The following SBF2 variants were observed in gnomAD, a reference collection of about 807,000 sequenced individuals.
SBF2 encodes the protein SET binding factor 2.
A neutral mutation model predicts 225.2 loss-of-function variants in SBF2; 112 were observed. The observed-to-expected ratio is 0.50, with a 90% CI of 0.43 to 0.58. The LOEUF (loss-of-function observed/expected upper bound fraction) is 0.58. Among genes scored for constraint, SBF2 ranks in the 20% least tolerant of loss-of-function variants. The pLI, the probability that SBF2 is intolerant of heterozygous loss-of-function variation, is 0.00. For missense variants in SBF2, 1,996 were observed against 2,206.2 expected, an observed-to-expected ratio of 0.90 and a Z score of 1.91; for synonymous variants, 763 against 773.3, an observed-to-expected ratio of 0.99 and a Z score of 0.22.
intron 4 of SBF2, 97 bp downstream of exon 4, chr11:10,030,951 T>A: frequency 9.4e-7 from 1 of 1,058,610 alleles, no homozygotes; most frequent in Non-Finnish European, 1.4e-6. Flanking sequence ...CCTAAATCAA[T>A]CTAACAATAT....
intron 13 of SBF2, among the ~76,000 whole-genome samples, chr11:9,976,511 C>T (rs139311039): frequency 8.5e-5 from 13 of 152,088 alleles, no homozygotes; most frequent in East Asian, 1.9e-4. Flanking sequence ...GTGGGAGGAT[C>T]GCTTGAGCCC....
chr11:9,947,557 C>T (rs1865634637), intron 16 of SBF2, among the ~76,000 whole-genome samples: 1 of 152,140 alleles, frequency 6.6e-6, no homozygotes, highest in South Asian at 2.1e-4. Flanking sequence ...CCTCTAGTTC[C>T]TTTCTCTGTA....
chr11:10,045,919 G>A (rs1354075285), intron 2 of SBF2, among the ~76,000 whole-genome samples: 1 of 151,848 alleles, frequency 6.6e-6, no homozygotes, highest in African/African-American at 2.4e-5. Flanking sequence ...TGTATCTGTG[G>A]GTTCTACATC....
At chr11:10,011,482 G>T (rs1006082941) in intron 6 of SBF2, among the ~76,000 whole-genome samples, 1 of 152,174 alleles carries the variant, frequency 6.6e-6, no homozygotes, top group Non-Finnish European at 1.5e-5. Context: ...GCCTCCCAAA[G>T]TGTTAGGATT....
chr11:10,228,428 T>C (rs556097064), intron 1 of SBF2, among the ~76,000 whole-genome samples: 46 of 152,342 alleles, frequency 3.0e-4, no homozygotes, highest in African/African-American at 1.1e-3. Flanking sequence ...TTCCAGTTTT[T>C]GCCCATTCAG....
intron 16 of SBF2, among the ~76,000 whole-genome samples, chr11:9,924,473 C>A (rs190264100): frequency 3.3e-5 from 5 of 151,968 alleles, no homozygotes; most frequent in African/African-American, 1.2e-4. Context: ...GCTCTGTTGC[C>A]CAGGCTTGAG....
In SBF2 at chr11:10,196,866, A is replaced by ATT. The variant is rs1555073581; in HGVS notation, c.56-2881_56-2880dup. 8.5e-3 allele frequency among the ~76,000 whole-genome samples: 844 copies of ATT among 99,268 alleles called. 51 individuals carry two copies. The highest frequency in any genetic ancestry group is 0.021 in the East Asian group (84 of 3,940). 65.1% of individuals were successfully genotyped at this position (99,268 alleles called of 152,430 possible). A position where few individuals can be genotyped will look rare whatever the true frequency, so the allele number is the denominator to read the frequency against. On this transcript the variant is annotated intron_variant, in intron 1 of 39. Coordinates refer to ENST00000256190, the MANE Select transcript of SBF2 (RefSeq NM_030962.4). The stretch of plus-strand genomic sequence containing the variant: ...TATATATATATATATATATATATAT[A>ATT]TTTTTTTTTTCCTACAAAATGAATA...
At chr11:10,068,445 C>A (rs545838213) in intron 2 of SBF2, among the ~76,000 whole-genome samples, 2 of 152,196 alleles carry the variant, frequency 1.3e-5, no homozygotes, top group African/African-American at 2.4e-5. Flanking sequence ...TATTTCTTAC[C>A]CATTCTCATT....
At position 9,858,342 on chromosome 11, in the gene SBF2, T is replaced by C; in HGVS notation, c.1984A>G (p.Ile662Val). 1 of 1,614,150 alleles carries C rather than the reference T, an allele frequency of 6.2e-7. No homozygotes were observed. The highest frequency in any genetic ancestry group is 8.5e-7 in the Non-Finnish European group (1 of 1,180,014). ...TCCCAAAATTGCTGATTTGTCCAAATGGGGTGGTCTTGTACACACGTGTAA... is the reference window on the plus strand; with the variant it reads ...TCCCAAAATTGCTGATTTGTCCAAACGGGGTGGTCTTGTACACACGTGTAA... ...FAYTCVQDHP[I>V]WTNQQFWETT... is the part of the protein sequence containing the mutation. The change falls in exon 18 of 40, where the codon ATT becomes GTT. Residue 662 changes from isoleucine (I) to valine (V), a missense_variant. By Grantham distance (29) the Ile-to-Val change is conservative. Transcript: ENST00000256190.
At position 10,257,766 on chromosome 11, in the gene SBF2, G is replaced by C. The variant is rs193096622; in HGVS notation, c.55+36249C>G. ...AATCCCAGCACTTTGGGAGGCCGAG[G>C]TGGGTGGATCACTTGAGCCCAGGAA... On this transcript the variant is annotated intron_variant, in intron 1 of 39. Transcript: ENST00000256190. Among the ~76,000 whole-genome samples, 618 of 151,872 alleles carry C rather than the reference G, an allele frequency of 4.1e-3. 3 individuals are homozygous for C. Among genetic ancestry groups the C allele is most frequent in the Middle Eastern group, 0.024 (7 of 290 alleles).
intron 26 of SBF2, 106 bp from the exon 27 acceptor site, chr11:9,832,526 G>C: frequency 3.9e-6 from 3 of 769,450 alleles, no homozygotes; most frequent in Non-Finnish European, 6.9e-6. Context: ...ATAAGAAATT[G>C]AATACTAATA....
rs1347291978 is a variant in SBF2 at position 10,143,772 on chromosome 11, C to G, written c.141+50130G>C. On this transcript the variant is annotated intron_variant, in intron 2 of 39. Transcript: ENST00000256190. Reference sequence around the variant, plus strand: ...TCGCTCTTTCGCCCAGGCCGGACTGCAGTAGCGCTATCTTGGCTCACTGCA... The same window carrying G: ...TCGCTCTTTCGCCCAGGCCGGACTGGAGTAGCGCTATCTTGGCTCACTGCA... Among the ~76,000 whole-genome samples, 3 of 152,118 alleles carry G rather than the reference C, an allele frequency of 2.0e-5. No homozygotes were observed. In the East Asian group the frequency reaches 5.8e-4, roughly 29 times the overall value.
intron 1 of SBF2, among the ~76,000 whole-genome samples, chr11:10,194,890 G>A (rs1414346777): frequency 2.6e-5 from 4 of 152,112 alleles, no homozygotes; most frequent in African/African-American, 7.2e-5. Flanking sequence ...TCTCTACCAC[G>A]TTATGGGAGT....
At chr11:9,964,932 T>C (rs1489378484) in intron 14 of SBF2, among the ~76,000 whole-genome samples, 1 of 152,188 alleles carries the variant, frequency 6.6e-6, no homozygotes, top group Admixed American at 6.5e-5. Flanking sequence ...ACATACTGCA[T>C]AGTGGTGAAG....
At chr11:9,994,325 AT>A (rs1266057301) in intron 9 of SBF2, among the ~76,000 whole-genome samples, 1 of 151,568 alleles carries the variant, frequency 6.6e-6, no homozygotes, top group Non-Finnish European at 1.5e-5. Context: ...ATACAAAAAA[AT>A]TAGCCGGGCG....
chr11:10,078,471 C>T (rs1481361503), intron 2 of SBF2, among the ~76,000 whole-genome samples: 1 of 152,102 alleles, frequency 6.6e-6, no homozygotes, highest in Non-Finnish European at 1.5e-5. Flanking sequence ...GAGTTCATGT[C>T]CTTTGTAGGG....
chr11:9,949,808 G>C (rs1272483959), intron 16 of SBF2, among the ~76,000 whole-genome samples: 1 of 151,730 alleles, frequency 6.6e-6, no homozygotes, highest in Non-Finnish European at 1.5e-5. Context: ...ACTGACAAAA[G>C]ACAAAAACAA....
At chr11:10,061,286 C>T (rs1354487342) in intron 2 of SBF2, among the ~76,000 whole-genome samples, 1 of 152,164 alleles carries the variant, frequency 6.6e-6, no homozygotes, top group Non-Finnish European at 1.5e-5. Flanking sequence ...CCCTTGAAAA[C>T]TGGCACAAGA....
rs7128234 is a variant in SBF2 at position 10,001,038 on chromosome 11, A to G, written c.753-16T>C. ...ATAAGGATAACTGGAAATAATAAAAATATGCGTCAAATATATTTTTCTTTA... is the reference window on the plus strand; with the variant it reads ...ATAAGGATAACTGGAAATAATAAAAGTATGCGTCAAATATATTTTTCTTTA... On this transcript the variant is annotated splice_polypyrimidine_tract_variant and intron_variant, in intron 7 of 39. Coordinates refer to ENST00000256190, the MANE Select transcript of SBF2 (RefSeq NM_030962.4). The G allele has an allele frequency of 4.1e-5, 54 of 1,314,126 alleles. No individual in the cohort carries two copies. The highest frequency in any genetic ancestry group is 5.8e-5 in the Non-Finnish European group (53 of 907,636). The allele number at this position is 1,314,126 out of a possible 1,614,324, so 81.4% of individuals were successfully genotyped here. A position where few individuals can be genotyped will look rare whatever the true frequency, so the allele number is the denominator to read the frequency against.
Sources: gnomAD v4.1 joint callset for allele counts (sites outside exome capture counted in the v4.1 genomes callset) on GRCh38, gnomAD v4.1.1 for gene constraint, MANE v1.5 for transcripts, NCBI Gene and HGNC (gene_info 2026-07-23, HGNC 2026-07-21) for gene names.